The following MYT1L variants were observed in gnomAD, a reference collection of about 807,000 sequenced individuals.
MYT1L encodes the protein myelin transcription factor 1 like, also known as myelin transcription factor 1-like protein.
In MYT1L, 12 loss-of-function variants were observed where a neutral mutation model predicts 126.7. The ratio of observed to expected loss-of-function variants is 0.09; its 90% CI spans 0.06 to 0.15. MYT1L has a LOEUF of 0.15. Among genes scored for constraint, MYT1L ranks in the 10% least tolerant of loss-of-function variants. The pLI, the probability that MYT1L is intolerant of heterozygous loss-of-function variation, is 1.00. For missense variants in MYT1L, 979 were observed against 1,585.2 expected, an observed-to-expected ratio of 0.62 and a Z score of 6.49; for synonymous variants, 541 against 604.2, an observed-to-expected ratio of 0.90 and a Z score of 1.53.
intron 3 of MYT1L, among the ~76,000 whole-genome samples, chr2:2,157,461 A>T (rs1440876751): frequency 6.6e-6 from 1 of 152,166 alleles, no homozygotes; most frequent in Non-Finnish European, 1.5e-5. Context: ...GGAAAAGCAG[A>T]GGTGGGAGGG....
At chr2:2,085,774 C>G (rs1284766514) in intron 3 of MYT1L, among the ~76,000 whole-genome samples, 4 of 152,206 alleles carry the variant, frequency 2.6e-5, no homozygotes, top group African/African-American at 9.6e-5. Flanking sequence ...GATGCTGAAG[C>G]AGCTTGGCTT....
At chr2:2,216,443 T>C (rs2093678906) in intron 2 of MYT1L, among the ~76,000 whole-genome samples, 1 of 152,024 alleles carries the variant, frequency 6.6e-6, no homozygotes, top group African/African-American at 2.4e-5. Flanking sequence ...TGAAGAGAAA[T>C]TTGAAAGTAT....
chr2:2,032,260 C>A (rs1320966340), intron 4 of MYT1L, among the ~76,000 whole-genome samples: 7 of 101,908 alleles, frequency 6.9e-5, no homozygotes, highest in Admixed American at 9.3e-5. Context: ...TGGCCCAGAG[C>A]AGATTCTAGA....
chr2:2,016,334 T>C (rs2064385434), intron 4 of MYT1L, among the ~76,000 whole-genome samples: 1 of 152,190 alleles, frequency 6.6e-6, no homozygotes, highest in Admixed American at 6.5e-5. Context: ...TCAGGAAGAC[T>C]GGCCGGGAAG....
intron 3 of MYT1L, among the ~76,000 whole-genome samples, chr2:2,069,829 T>C (rs1340509911): frequency 6.6e-6 from 1 of 152,052 alleles, no homozygotes; most frequent in Non-Finnish European, 1.5e-5. Flanking sequence ...CCAGTGATGA[T>C]GAGCTTTTTT....
chr2:2,247,848 G>C (rs1379703493), intron 2 of MYT1L, among the ~76,000 whole-genome samples: 1 of 151,980 alleles, frequency 6.6e-6, no homozygotes, highest in Non-Finnish European at 1.5e-5. Flanking sequence ...AATGATAATG[G>C]AAACACAACA....
chr2:1,814,026 C>CAAA (rs1304502003), intron 21 of MYT1L, among the ~76,000 whole-genome samples: 1,623 of 87,608 alleles, frequency 0.019, 42 homozygotes, highest in East Asian at 0.032. Context: ...GACTCCGTCC[C>CAAA]CAAAAAAAAA....
chr2:1,808,148 C>T (rs1042341431), intron 22 of MYT1L, among the ~76,000 whole-genome samples: 6 of 152,156 alleles, frequency 3.9e-5, no homozygotes, highest in Non-Finnish European at 5.9e-5. Flanking sequence ...ATAAATTACC[C>T]AGTCTCGGGT....
intron 8 of MYT1L, among the ~76,000 whole-genome samples, chr2:1,945,189 T>A (rs1353541013): frequency 6.6e-6 from 1 of 152,070 alleles, no homozygotes; most frequent in Admixed American, 6.5e-5. Flanking sequence ...CGTGGATGAA[T>A]GATGGGACTC....
intron 8 of MYT1L, among the ~76,000 whole-genome samples, chr2:1,948,099 C>T (rs1159187386): frequency 2.6e-5 from 4 of 152,196 alleles, no homozygotes; most frequent in Non-Finnish European, 5.9e-5. Flanking sequence ...ATTCCCTTCC[C>T]GTGGTGGGAA....
rs2079500823 is a variant in MYT1L, at chr2:2,111,831, C to T, written c.-303-57708G>A. Among the ~76,000 whole-genome samples, 6 of 152,346 alleles carry T rather than the reference C, an allele frequency of 3.9e-5. No individual in the cohort carries two copies. In the South Asian group the frequency reaches 1.2e-3, roughly 32 times the overall value. ...GGTGTTGAAAGTCGAGCCTGGGGGTCCTCCTGGGGGTCCTGGCCTGTGCCC... is the reference window on the plus strand; with the variant it reads ...GGTGTTGAAAGTCGAGCCTGGGGGTTCTCCTGGGGGTCCTGGCCTGTGCCC... On this transcript the variant is annotated intron_variant, in intron 3 of 24. Transcript: ENST00000647738.
intron 3 of MYT1L, among the ~76,000 whole-genome samples, chr2:2,069,488 T>C (rs141523400): frequency 2.9e-3 from 441 of 152,298 alleles, no homozygotes; most frequent in African/African-American, 0.01. Flanking sequence ...GCATTTGGGT[T>C]GGTTCCAAGT....
At chr2:1,898,834 C>A (rs559771787) in intron 14 of MYT1L, among the ~76,000 whole-genome samples, 2 of 152,104 alleles carry the variant, frequency 1.3e-5, no homozygotes, top group Non-Finnish European at 2.9e-5. Flanking sequence ...GCTCTGCAGG[C>A]GGGCGTGGTG....
At chr2:1,792,740 T>C (rs527779245) in intron 23 of MYT1L, among the ~76,000 whole-genome samples, 2 of 151,750 alleles carry the variant, frequency 1.3e-5, no homozygotes, top group East Asian at 3.9e-4. Context: ...CGTGGTGGCG[T>C]GCGCCTGTAA....
chr2:1,988,539 C>T (rs2061225764), intron 5 of MYT1L, among the ~76,000 whole-genome samples: 1 of 152,252 alleles, frequency 6.6e-6, no homozygotes, highest in Admixed American at 6.5e-5. Context: ...GGGGCAGCAG[C>T]AGCATACATG....
intron 3 of MYT1L, among the ~76,000 whole-genome samples, chr2:2,066,352 C>T (rs890446302): frequency 1.3e-5 from 2 of 152,174 alleles, no homozygotes; most frequent in African/African-American, 4.8e-5. Context: ...GCAGGAACCC[C>T]TGGCATCTCA....
At chr2:2,084,248 G>A (rs962581754) in intron 3 of MYT1L, among the ~76,000 whole-genome samples, 2 of 152,232 alleles carry the variant, frequency 1.3e-5, no homozygotes, top group Non-Finnish European at 2.9e-5. Context: ...TATAGACTGA[G>A]AGGGCTAATA....
rs2058372586 is a variant in MYT1L, at chr2:1,956,276, CTACCTATCTATCATCT to C, written c.153-12958_153-12943del. 2.8e-5 allele frequency among the ~76,000 whole-genome samples: 4 copies of C among 140,508 alleles called. 1 individual carries two copies. The highest frequency in any genetic ancestry group is 2.4e-4 in the East Asian group (1 of 4,122). 92.2% of individuals were successfully genotyped at this position (140,508 alleles called of 152,430 possible). ...TATATTTCCTATTCTATCTGTCTATCTACCTATCTATCATCTATCTATCCTATTCTATATTTCCTAT... is the reference window on the plus strand; with the variant it reads ...TATATTTCCTATTCTATCTGTCTATCATCTATCCTATTCTATATTTCCTAT... On this transcript the variant is annotated intron_variant, in intron 8 of 24. Coordinates refer to ENST00000647738, the MANE Select transcript of MYT1L (RefSeq NM_001303052.2).
At chr2:1,958,370 G>C (rs2058685717) in intron 8 of MYT1L, among the ~76,000 whole-genome samples, 1 of 151,818 alleles carries the variant, frequency 6.6e-6, no homozygotes, top group South Asian at 2.1e-4. Context: ...CCAGGGAGTT[G>C]GAGGATGAGG....
Sources: gnomAD v4.1 joint callset for allele counts (sites outside exome capture counted in the v4.1 genomes callset) on GRCh38, gnomAD v4.1.1 for gene constraint, MANE v1.5 for transcripts, NCBI Gene and HGNC (gene_info 2026-07-23, HGNC 2026-07-21) for gene names.